Variants in SH3D19 observed in about 807,000 individuals in gnomAD.
SH3D19 encodes the protein SH3 domain containing 19.
Under a neutral mutation model 112.1 loss-of-function variants are expected in SH3D19, and 58 were observed. The ratio of observed to expected loss-of-function variants is 0.52; its 90% confidence interval spans 0.42 to 0.64. The LOEUF (loss-of-function observed/expected upper bound fraction) is 0.64, where lower values mean the gene tolerates loss of function less well. Among genes scored for constraint, SH3D19 ranks in the 30% least tolerant of loss-of-function variants. SH3D19 has a pLI of 0.00. For missense variants in SH3D19, 1,090 were observed against 1,263.4 expected, an observed-to-expected ratio of 0.86 and a Z score of 2.08; for synonymous variants, 391 against 448.5, an observed-to-expected ratio of 0.87 and a Z score of 1.62.
intron 1 of SH3D19, chr4:151,226,437 C>G (rs1292493529): frequency 2.3e-5 from 23 of 1,001,870 alleles, no homozygotes; most frequent in Non-Finnish European, 2.6e-5. Flanking sequence ...ACAGATTACT[C>G]AGCTCAAAAA....
intron 3 of SH3D19, among the ~76,000 whole-genome samples, chr4:151,183,272 G>A (rs1290044904): frequency 1.3e-5 from 2 of 152,144 alleles, no homozygotes; most frequent in East Asian, 3.8e-4. Flanking sequence ...GATTATAGGT[G>A]TGAGCCACAG....
At chr4:151,134,837 T>G (rs1751474949) in intron 15 of SH3D19, among the ~76,000 whole-genome samples, 1 of 152,230 alleles carries the variant, frequency 6.6e-6, no homozygotes, top group Non-Finnish European at 1.5e-5. Flanking sequence ...CCATATGAAG[T>G]GTTTTCTTTT....
intron 1 of SH3D19, among the ~76,000 whole-genome samples, chr4:151,242,215 T>C (rs1770619691): frequency 6.6e-6 from 1 of 152,150 alleles, no homozygotes; most frequent in Non-Finnish European, 1.5e-5. Context: ...GTATTTTCAG[T>C]TAACAACATT....
chr4:151,277,326 T>C (rs980537341), intron 1 of SH3D19: 1 of 906,000 alleles, frequency 1.1e-6, no homozygotes, highest in African/African-American at 1.7e-5. Flanking sequence ...ATGTTAGTTA[T>C]GAGTAGCACA....
chr4:151,288,384 G>A (rs1775021012), intron 1 of SH3D19, among the ~76,000 whole-genome samples: 1 of 152,124 alleles, frequency 6.6e-6, no homozygotes, highest in Admixed American at 6.6e-5. Context: ...CTAAAGGAAT[G>A]CCACCCCCAA....
intron 1 of SH3D19, among the ~76,000 whole-genome samples, chr4:151,263,042 C>T (rs1772497665): frequency 6.6e-6 from 1 of 152,124 alleles, no homozygotes; most frequent in South Asian, 2.1e-4. Context: ...ATTCTGAAGA[C>T]AGATTTTGAA....
intron 1 of SH3D19, among the ~76,000 whole-genome samples, chr4:151,248,114 CT>C (rs59021784): frequency 0.029 from 4,354 of 151,146 alleles, 102 homozygotes; most frequent in African/African-American, 0.068. Context: ...TAATGTTTTA[CT>C]TTTTTTTTTT....
At chr4:151,287,458 A>G (rs1055681691) in intron 1 of SH3D19, among the ~76,000 whole-genome samples, 2 of 152,190 alleles carry the variant, frequency 1.3e-5, no homozygotes, top group Non-Finnish European at 2.9e-5. Context: ...TCTTTTATGA[A>G]CAGAGGTGTA....
chr4:151,194,563 C>T (rs1223591107), intron 2 of SH3D19, among the ~76,000 whole-genome samples: 2 of 151,536 alleles, frequency 1.3e-5, no homozygotes, highest in African/African-American at 4.8e-5. Context: ...TACAGGTGCC[C>T]GCCACAACGC....
intron 1 of SH3D19, among the ~76,000 whole-genome samples, chr4:151,307,498 G>A (rs958607090): frequency 6.6e-6 from 1 of 152,256 alleles, no homozygotes; most frequent in Non-Finnish European, 1.5e-5. Context: ...CAACCCTTAG[G>A]CTCTGCCTTC....
At chr4:151,269,860 A>T (rs1773109710) in intron 1 of SH3D19, among the ~76,000 whole-genome samples, 1 of 152,082 alleles carries the variant, frequency 6.6e-6, no homozygotes, top group Non-Finnish European at 1.5e-5. Context: ...AAACAAAAAA[A>T]CTAAGACACA....
chr4:151,185,401 G>A (rs1367147628), intron 3 of SH3D19, among the ~76,000 whole-genome samples: 9 of 152,028 alleles, frequency 5.9e-5, no homozygotes, highest in African/African-American at 1.9e-4. Context: ...CTCCCTACAT[G>A]TTTGGCTACT....
At chr4:151,265,158 T>C (rs988791720) in intron 1 of SH3D19, among the ~76,000 whole-genome samples, 4 of 151,592 alleles carry the variant, frequency 2.6e-5, no homozygotes, top group African/African-American at 9.7e-5. Flanking sequence ...AATGCAAAAA[T>C]TATCAAATTA....
intron 1 of SH3D19, chr4:151,279,105 A>C: frequency 4.7e-6 from 2 of 428,854 alleles, no homozygotes; most frequent in Non-Finnish European, 4.5e-6. Context: ...GCTGTGGCCC[A>C]AGTATAGGCT....
intron 12 of SH3D19, chr4:151,141,114 T>A (rs1752895251): frequency 6.6e-6 from 1 of 152,212 alleles, no homozygotes; most frequent in African/African-American, 2.4e-5. Context: ...TTCTGAGATA[T>A]TTTAGGTCTG....
At chr4:151,224,054 A>G (rs1263915251) in intron 2 of SH3D19, among the ~76,000 whole-genome samples, 4 of 152,188 alleles carry the variant, frequency 2.6e-5, no homozygotes, top group Non-Finnish European at 5.9e-5. Context: ...TCACGCCTGT[A>G]ATCCCAGCAC....
chr4:151,214,491 G>A (rs1444871838), intron 2 of SH3D19, among the ~76,000 whole-genome samples: 1 of 125,714 alleles, frequency 8.0e-6, no homozygotes, highest in African/African-American at 2.7e-5. Context: ...CGGACGGGGC[G>A]GCTGGCCGGG....
rs1166097511 is a variant in SH3D19 at position 151,147,914 on chromosome 4, A to G, written c.2082+8T>C. 2.5e-6 allele frequency: 4 copies of G among 1,586,382 alleles called. No homozygotes were observed. The highest frequency in any genetic ancestry group is 3.4e-6 in the Non-Finnish European group (4 of 1,168,692). On this transcript the variant is annotated splice_region_variant and intron_variant, in intron 11 of 19. Coordinates refer to ENST00000604030, the MANE Select transcript of SH3D19 (RefSeq NM_001378122.1). ...TTGACCACAAACATTTTTAAAAGCT[A>G]AATTTACCATGTATTTACTGTAGAG...
At chr4:151,257,279 G>T (rs1772004241) in intron 1 of SH3D19, among the ~76,000 whole-genome samples, 4 of 151,972 alleles carry the variant, frequency 2.6e-5, no homozygotes, top group Admixed American at 2.0e-4. Context: ...GTAGAGACGG[G>T]GTTTCACTAT....
Sources: gnomAD v4.1 joint callset for allele counts (sites outside exome capture counted in the v4.1 genomes callset) on GRCh38, gnomAD v4.1.1 for gene constraint, MANE v1.5 for transcripts, NCBI Gene and HGNC (gene_info 2026-07-23, HGNC 2026-07-21) for gene names.